Variants in UNCX observed in about 807,000 individuals in gnomAD.
UNCX encodes the protein UNC homeobox.
In UNCX, 4 loss-of-function variants were observed where a neutral mutation model predicts 14.8. The observed-to-expected ratio is 0.27, with a 90% CI of 0.13 to 0.62. The LOEUF is 0.62. Ranked by LOEUF, UNCX falls within the 20% of genes least tolerant of loss-of-function variation. The pLI, the probability that UNCX is intolerant of heterozygous loss-of-function variation, is 0.86. For synonymous variants in UNCX, 459 were observed against 395.8 expected (o/e 1.16, Z -1.90); for missense variants, 749 against 786.8 (o/e 0.95, Z 0.58).
chr7:1,234,076 A>ACCCCCCCCCCCCC (rs751327990), intron 2 of UNCX, among the ~76,000 whole-genome samples: 1 of 126,612 alleles, frequency 7.9e-6, no homozygotes, highest in East Asian at 2.2e-4. Context: ...AGGGAAGGGG[A>ACCCCCCCCCCCCC]CCCCCCCCCG....
intron 2 of UNCX, among the ~76,000 whole-genome samples, chr7:1,234,223 G>A (rs1335134637): frequency 2.0e-5 from 3 of 152,244 alleles, no homozygotes; most frequent in Admixed American, 1.3e-4. Context: ...GAACAGCTGA[G>A]GAAGGGGAGG....
Position 1,233,621 on chromosome 7 carries a change from G to C in UNCX, c.376G>C (p.Glu126Gln), listed in dbSNP as rs144353491. ...QLEELEKAFN[E>Q]SHYPDVFMRE... ...GGAGGAGCTGGAGAAGGCGTTCAAC[G>C]AGAGCCACTATCCCGACGTGTTCAT... is the stretch of plus-strand genomic sequence containing the variant. Residue 126 changes from glutamate to glutamine, a missense_variant, in exon 2 of 3, where the codon GAG becomes CAG. Glu to Gln is a conservative substitution (Grantham distance 29). Transcript: ENST00000316333. The surrounding 1 kb of genome is among the most constrained non-coding windows in gnomAD (Gnocchi z 5.3). 5 of 1,613,026 alleles carry C rather than the reference G, an allele frequency of 3.1e-6. No homozygotes were observed. The highest frequency in any genetic ancestry group is 4.5e-5 in the East Asian group (2 of 44,862).
rs1418421568 is a variant in UNCX at position 1,233,844 on chromosome 7, G to C, written c.450+149G>C. The C allele has an allele frequency of 1.5e-5, 16 of 1,042,968 alleles. No homozygotes were observed. The highest frequency in any genetic ancestry group is 2.1e-5 in the Non-Finnish European group (16 of 754,320). 64.6% of individuals were successfully genotyped at this position (1,042,968 alleles called of 1,614,324 possible). On this transcript the variant is annotated intron_variant, in intron 2 of 2. Transcript: ENST00000316333. This position sits in a 1 kb window ranked among gnomAD's most constrained non-coding sequence, Gnocchi z 5.3. Reference sequence around the variant, plus strand: ...GCTGGGGAAGAGTGGAGGGGTGGGGGTTCTGGGGCTCGGCCCCTCACGGAC... The same window carrying C: ...GCTGGGGAAGAGTGGAGGGGTGGGGCTTCTGGGGCTCGGCCCCTCACGGAC...
In UNCX at chr7:1,233,415, G is replaced by GCCCCCCCCCCCCCCC. The variant is rs373820130; in HGVS notation, c.275-94_275-93insCCCCCCCCCCCCCCC. 9.1e-7 allele frequency: 1 copy of GCCCCCCCCCCCCCCC among 1,101,904 alleles called. No homozygotes were observed. The highest frequency in any genetic ancestry group is 2.2e-5 in the African/African-American group (1 of 44,516). The allele number at this position is 1,101,904 out of a possible 1,614,324, so 68.3% of individuals were successfully genotyped here. A position where few individuals can be genotyped will look rare whatever the true frequency, so the allele number is the denominator to read the frequency against. ...CCGGCTCCTAGGCGGCCGTCTCTGC[G>GCCCCCCCCCCCCCCC]CCCCCCCCCCCGGATCCAGGCGGCC... On this transcript the variant is annotated intron_variant, in intron 1 of 2. Transcript: ENST00000316333. This position sits in a 1 kb window ranked among gnomAD's most constrained non-coding sequence, Gnocchi z 5.3.
rs984005257 is a variant in UNCX, at chr7:1,233,423, C to CG, written c.275-97_275-96insG. On this transcript the variant is annotated intron_variant, in intron 1 of 2. Transcript: ENST00000316333. This position sits in a 1 kb window ranked among gnomAD's most constrained non-coding sequence, Gnocchi z 5.3. ...TAGGCGGCCGTCTCTGCGCCCCCCC[C>CG]CCCGGATCCAGGCGGCCAGCGGGTA... The CG allele has an allele frequency of 7.2e-5, 99 of 1,381,020 alleles. 1 individual carries two copies. The African/African-American group carries it at 1.3e-3, about 18-fold the overall frequency. 85.5% of individuals were successfully genotyped at this position (1,381,020 alleles called of 1,614,324 possible). A position where few individuals can be genotyped will look rare whatever the true frequency, so the allele number is the denominator to read the frequency against.
chr7:1,236,283 G>T lies in UNCX; in HGVS notation c.902G>T (p.Arg301Leu). 1 of 1,376,726 alleles carries T rather than the reference G, an allele frequency of 7.3e-7. No homozygotes were observed. Among genetic ancestry groups the T allele is most frequent in the African/African-American group, 1.5e-5 (1 of 65,094 alleles). 85.3% of individuals were successfully genotyped at this position (1,376,726 alleles called of 1,614,324 possible). The change falls in exon 3 of 3, where the codon CGC becomes CTC. Residue 301 changes from arginine to leucine, a missense_variant. Transcript: ENST00000316333. This position sits in a 1 kb window ranked among gnomAD's most constrained non-coding sequence, Gnocchi z 6.9. ...SGAGPQPRPGRPADKDAASCG... is the reference protein window; with the variant it reads ...SGAGPQPRPGLPADKDAASCG... Reference sequence around the variant, plus strand: ...GCCGGCCCACAGCCGCGCCCAGGTCGCCCTGCGGACAAGGACGCGGCCTCG... The same window carrying T: ...GCCGGCCCACAGCCGCGCCCAGGTCTCCCTGCGGACAAGGACGCGGCCTCG...
rs773393879 is a variant in UNCX at position 1,236,479 on chromosome 7, G to A, written c.1098G>A (p.Pro366=). Residue 366 remains proline (P), a synonymous_variant, in exon 3 of 3, where the codon CCG becomes CCA. Coordinates refer to ENST00000316333, the MANE Select transcript of UNCX (RefSeq NM_001080461.3). The surrounding 1 kb of genome is among the most constrained non-coding windows in gnomAD (Gnocchi z 6.9). ...AAGLDFAPGL[P]CAPRTLIGKG... ...GGCTGGACTTCGCGCCCGGGCTGCC[G>A]TGCGCGCCGCGGACCCTGATCGGCA... is the stretch of plus-strand genomic sequence containing the variant. The A allele has an allele frequency of 2.2e-6, 3 of 1,386,206 alleles. No homozygotes were observed. Among genetic ancestry groups the A allele is most frequent in the Non-Finnish European group, 2.8e-6 (3 of 1,066,980 alleles). The allele number at this position is 1,386,206 out of a possible 1,614,324, so 85.9% of individuals were successfully genotyped here.
intron 2 of UNCX, among the ~76,000 whole-genome samples, chr7:1,235,412 G>C (rs1322475094): frequency 6.6e-6 from 1 of 152,264 alleles, no homozygotes; most frequent in Non-Finnish European, 1.5e-5. Flanking sequence ...CGGTCCAACG[G>C]CAGGATGGTC....
chr7:1,237,039 A>G lies in UNCX; in HGVS notation c.*62A>G. ...CGGCCGCTCGCTCAGGCTCCGACTC[A>G]CGCAACGAATCAGGTGATCGGCTCT... On this transcript the variant is annotated 3_prime_UTR_variant, in exon 3 of 3. Coordinates refer to ENST00000316333, the MANE Select transcript of UNCX (RefSeq NM_001080461.3). This position sits in a 1 kb window ranked among gnomAD's most constrained non-coding sequence, Gnocchi z 5.8. 1 of 1,088,840 alleles carries G rather than the reference A, an allele frequency of 9.2e-7. No individual in the cohort carries two copies. The highest frequency in any genetic ancestry group is 1.1e-6 in the Non-Finnish European group (1 of 894,206). 67.4% of individuals were successfully genotyped at this position (1,088,840 alleles called of 1,614,324 possible).
chr7:1,236,295 A>AGGACGCGGCCTC lies in UNCX; in HGVS notation c.916_927dup (p.Asp306_Ser309dup). ...CCGCGCCCAGGTCGCCCTGCGGACAAGGACGCGGCCTCGTGCGGGCCAGGG... is the reference window on the plus strand; with the variant it reads ...CCGCGCCCAGGTCGCCCTGCGGACAAGGACGCGGCCTCGGACGCGGCCTCGTGCGGGCCAGGG... On this transcript the variant is annotated inframe_insertion, in exon 3 of 3. Coordinates refer to ENST00000316333, the MANE Select transcript of UNCX (RefSeq NM_001080461.3). The surrounding 1 kb of genome is among the most constrained non-coding windows in gnomAD (Gnocchi z 6.9). The AGGACGCGGCCTC allele has an allele frequency of 7.3e-7, 1 of 1,370,484 alleles. No individual in the cohort carries two copies. The highest frequency in any genetic ancestry group is 1.5e-5 in the African/African-American group (1 of 64,852). 84.9% of individuals were successfully genotyped at this position (1,370,484 alleles called of 1,614,324 possible). A position where few individuals can be genotyped will look rare whatever the true frequency, so the allele number is the denominator to read the frequency against.
Position 1,233,062 on chromosome 7 carries a change from G to T in UNCX, c.45G>T (p.Gly15=). 7.0e-7 allele frequency: 1 copy of T among 1,422,500 alleles called. No individual in the cohort carries two copies. Among genetic ancestry groups the T allele is most frequent in the Non-Finnish European group, 9.2e-7 (1 of 1,086,200 alleles). 88.1% of individuals were successfully genotyped at this position (1,422,500 alleles called of 1,614,324 possible). ...TGGAACACCCGCATGCCCAGTTCGGGGGCTCGCTGGGCGGCGTGGTGGGCT... is the reference window on the plus strand; with the variant it reads ...TGGAACACCCGCATGCCCAGTTCGGTGGCTCGCTGGGCGGCGTGGTGGGCT... ...RLLEHPHAQF[G]GSLGGVVGFP... Residue 15 remains glycine, a synonymous_variant, in exon 1 of 3, where the codon GGG becomes GGT. Coordinates refer to ENST00000316333, the MANE Select transcript of UNCX (RefSeq NM_001080461.3). The surrounding 1 kb of genome is among the most constrained non-coding windows in gnomAD (Gnocchi z 5.3).
chr7:1,235,915 C>T lies in UNCX; in HGVS notation c.534C>T (p.His178=). The T allele has an allele frequency of 6.2e-7, 1 of 1,612,634 alleles. No homozygotes were observed. The highest frequency in any genetic ancestry group is 1.1e-5 in the South Asian group (1 of 91,062). The change falls in exon 3 of 3, where the codon CAC becomes CAT. Residue 178 remains histidine, a synonymous_variant. Coordinates refer to ENST00000316333, the MANE Select transcript of UNCX (RefSeq NM_001080461.3). ...CGGGGCGGCCGGCGCACAACTCGCA[C>T]CCGACCACGTGCAGCGGCGAGCCCA... ...KGPGRPAHNS[H]PTTCSGEPMD... is the part of the protein sequence containing the mutation.
chr7:1,234,097 G>T (rs1232006502), intron 2 of UNCX, among the ~76,000 whole-genome samples: 1 of 126,454 alleles, frequency 7.9e-6, no homozygotes, highest in African/African-American at 3.2e-5. Context: ...CCCCCGCACC[G>T]CCTCAACCTT....
Position 1,233,515 on chromosome 7 carries a change from C to G in UNCX, c.275-5C>G. 2.5e-6 allele frequency: 4 copies of G among 1,608,892 alleles called. No homozygotes were observed. Among genetic ancestry groups the G allele is most frequent in the Non-Finnish European group, 3.4e-6 (4 of 1,178,706 alleles). On this transcript the variant is annotated splice_region_variant and splice_polypyrimidine_tract_variant and intron_variant, in intron 1 of 2. Transcript: ENST00000316333. The surrounding 1 kb of genome is among the most constrained non-coding windows in gnomAD (Gnocchi z 5.3). ...AGCCGCGCTGCGTCCTGTGACTGCC[C>G]GCAGACTCGGGGGACCCGGACAAGG...
Position 1,236,836 on chromosome 7 carries a change from GCC to G in UNCX, c.1459_1460del (p.Pro487AlafsTer75). ...CADAGTAGPA[P>X]PPPAPSPRPG... is the part of the protein sequence containing the mutation. ...CGGACGCGGGGACCGCCGGCCCCGC[GCC>G]CCCGCCGCCCGCGCCGTCGCCCAGG... On this transcript the variant is annotated frameshift_variant, in exon 3 of 3. Transcript: ENST00000316333. LOFTEE classifies it low-confidence loss of function (END_TRUNC). The surrounding 1 kb of genome is among the most constrained non-coding windows in gnomAD (Gnocchi z 6.9). The G allele has an allele frequency of 1.0e-6, 1 of 991,142 alleles. No individual in the cohort carries two copies. Among genetic ancestry groups the G allele is most frequent in the Non-Finnish European group, 1.2e-6 (1 of 835,584 alleles). The allele number at this position is 991,142 out of a possible 1,614,324, so 61.4% of individuals were successfully genotyped here.
chr7:1,235,505 G>A (rs554896790), intron 2 of UNCX, among the ~76,000 whole-genome samples: 14 of 152,344 alleles, frequency 9.2e-5, no homozygotes, highest in African/African-American at 3.4e-4. Flanking sequence ...TCTAGCCTCC[G>A]GACCAGGAAC....
rs1584083954 is a variant in UNCX at position 1,236,813 on chromosome 7, G to A, written c.1432G>A (p.Asp478Asn). The A allele has an allele frequency of 5.1e-6, 5 of 987,216 alleles. No individual in the cohort carries two copies. Among genetic ancestry groups the A allele is most frequent in the Non-Finnish European group, 6.0e-6 (5 of 832,880 alleles). 61.2% of individuals were successfully genotyped at this position (987,216 alleles called of 1,614,324 possible). Residue 478 changes from aspartate (D) to asparagine (N), a missense_variant, in exon 3 of 3, where the codon GAC becomes AAC. Around this residue, in one of 3 missense-constraint regions of UNCX, gnomAD observed 552 missense variants for 507.2 expected, o/e 1.09. Transcript: ENST00000316333. The surrounding 1 kb of genome is among the most constrained non-coding windows in gnomAD (Gnocchi z 6.9). Reference sequence around the variant, plus strand: ...CGAGGGCGGCGGCGGGGACTGCGCGGACGCGGGGACCGCCGGCCCCGCGCC... The same window carrying A: ...CGAGGGCGGCGGCGGGGACTGCGCGAACGCGGGGACCGCCGGCCCCGCGCC... Reference protein sequence around the residue: ...ATEGGGGDCADAGTAGPAPPP... With the variant: ...ATEGGGGDCANAGTAGPAPPP...
In UNCX at chr7:1,236,283, G is replaced by C; in HGVS notation, c.902G>C (p.Arg301Pro). ...SGAGPQPRPG[R>P]PADKDAASCG... ...GCCGGCCCACAGCCGCGCCCAGGTCGCCCTGCGGACAAGGACGCGGCCTCG... is the reference window on the plus strand; with the variant it reads ...GCCGGCCCACAGCCGCGCCCAGGTCCCCCTGCGGACAAGGACGCGGCCTCG... The change falls in exon 3 of 3, where the codon CGC becomes CCC. Residue 301 changes from arginine (R) to proline (P), a missense_variant. This residue lies in a region of UNCX where 552 missense variants were observed against 507.2 expected (regional missense o/e 1.09). Coordinates refer to ENST00000316333, the MANE Select transcript of UNCX (RefSeq NM_001080461.3). This position sits in a 1 kb window ranked among gnomAD's most constrained non-coding sequence, Gnocchi z 6.9. 7 of 1,376,726 alleles carry C rather than the reference G, an allele frequency of 5.1e-6. No individual in the cohort carries two copies. Among genetic ancestry groups the C allele is most frequent in the Non-Finnish European group, 6.6e-6 (7 of 1,059,542 alleles). 85.3% of individuals were successfully genotyped at this position (1,376,726 alleles called of 1,614,324 possible).
chr7:1,236,186 C>G lies in UNCX; in HGVS notation c.805C>G (p.Pro269Ala). The G allele has an allele frequency of 7.8e-7, 1 of 1,281,898 alleles. No individual in the cohort carries two copies. The highest frequency in any genetic ancestry group is 1.0e-6 in the Non-Finnish European group (1 of 1,002,786). The allele number at this position is 1,281,898 out of a possible 1,614,324, so 79.4% of individuals were successfully genotyped here. The change falls in exon 3 of 3, where the codon CCC (proline) becomes GCC (alanine). Residue 269 changes from proline (P) to alanine (A), a missense_variant. By Grantham distance (27) the Pro-to-Ala change is conservative. Around this residue, in one of 3 missense-constraint regions of UNCX, gnomAD observed 552 missense variants for 507.2 expected, o/e 1.09. Coordinates refer to ENST00000316333, the MANE Select transcript of UNCX (RefSeq NM_001080461.3). This position sits in a 1 kb window ranked among gnomAD's most constrained non-coding sequence, Gnocchi z 6.9. ...CGCCTCGGGCGCCGCGGGGACCGCGCCCGCCCCTCCCGGCGAGCCGCCTGC... is the reference window on the plus strand; with the variant it reads ...CGCCTCGGGCGCCGCGGGGACCGCGGCCGCCCCTCCCGGCGAGCCGCCTGC... ...AHASGAAGTA[P>A]APPGEPPAPG...
Sources: allele counts gnomAD v4.1 joint callset (sites outside exome capture counted in the v4.1 genomes callset), GRCh38; gene constraint gnomAD v4.1.1; regional missense constraint gnomAD v4.1.1; non-coding constraint Gnocchi (gnomAD v3.1); transcripts MANE v1.5; gene names NCBI Gene and HGNC (gene_info 2026-07-23, HGNC 2026-07-21).